Variants in MYH11 observed in about 807,000 individuals in gnomAD.
MYH11 encodes the protein myosin-11.
In MYH11, 80 loss-of-function variants were observed where a neutral mutation model predicts 246.6. That is an observed-to-expected ratio of 0.32 (90% CI 0.27 to 0.39). The LOEUF (loss-of-function observed/expected upper bound fraction) is 0.39. MYH11 is among the 10% of genes least tolerant of loss of function. MYH11 has a pLI of 1.00. For missense variants in MYH11, 2,158 were observed against 2,546.8 expected (o/e 0.85, Z 3.29); for synonymous variants, 1,071 against 1,015.5 (o/e 1.05, Z -1.04).
chr16:15,784,243 T>C (rs1465038415), intron 5 of MYH11, among the ~76,000 whole-genome samples: 1 of 151,964 alleles, frequency 6.6e-6, no homozygotes, highest in Non-Finnish European at 1.5e-5. Context: ...CACTTAGGGA[T>C]GATGGCAGGG....
rs1309442784 is a variant in MYH11 at position 15,724,707 on chromosome 16, C to A, written c.4056G>T (p.Leu1352=). ...TCTGCTTGGCCTCCATCTCCTCGTCCAGCTGGTCTTGCAGGCTGTTCCGCT... is the reference window on the plus strand; with the variant it reads ...TCTGCTTGGCCTCCATCTCCTCGTCAAGCTGGTCTTGCAGGCTGTTCCGCT... The part of the protein sequence containing the change: ...EEERNSLQDQ[L]DEEMEAKQNL... The change falls in exon 30 of 41, where the codon CTG becomes CTT. Residue 1352 remains leucine (L), a synonymous_variant. Transcript: ENST00000300036. 7.4e-6 allele frequency: 12 copies of A among 1,614,050 alleles called. No individual in the cohort carries two copies. Among genetic ancestry groups the A allele is most frequent in the Non-Finnish European group, 1.0e-5 (12 of 1,180,030 alleles).
chr16:15,799,070 G>A (rs914814724), intron 3 of MYH11, among the ~76,000 whole-genome samples: 4 of 152,238 alleles, frequency 2.6e-5, no homozygotes, highest in African/African-American at 9.6e-5. Context: ...TGTGGCCTTG[G>A]GCAAATATTC....
rs751862398 is a variant in MYH11 at position 15,704,077 on chromosome 16, G to A, written c.5833C>T (p.Arg1945Cys). ...CCATCTGCATTTTCAATAACTCTACGTCCTCCAGACCTTCTAGAAGGAACG... is the reference window on the plus strand; with the variant it reads ...CCATCTGCATTTTCAATAACTCTACATCCTCCAGACCTTCTAGAAGGAACG... ...SFVPSRRSGG[R>C]RVIENADGSE... The change falls in exon 41 of 41, where the codon CGT becomes TGT. Residue 1945 changes from arginine (R) to cysteine (C), a missense_variant. Arg to Cys is a radical substitution (Grantham distance 180). Coordinates refer to ENST00000300036, the MANE Select transcript of MYH11 (RefSeq NM_002474.3). 6.2e-6 allele frequency: 10 copies of A among 1,613,868 alleles called. No homozygotes were observed. The highest frequency in any genetic ancestry group is 2.7e-5 in the African/African-American group (2 of 74,858).
intron 12 of MYH11, among the ~76,000 whole-genome samples, chr16:15,758,827 A>T (rs530867076): frequency 6.6e-6 from 1 of 151,706 alleles, no homozygotes; most frequent in African/African-American, 2.4e-5. Flanking sequence ...AGCTGGGCAC[A>T]GTGGTACACT....
rs555301560 is a variant in MYH11, at chr16:15,753,895, A to G, written c.1750-387T>C. ...AAACTCCCCCCTCATCATCTTCCCA[A>G]TCATCCTGGTTTAGAAATTAAGCAT... On this transcript the variant is annotated intron_variant, in intron 14 of 40. Transcript: ENST00000300036. Among the ~76,000 whole-genome samples the G allele has an allele frequency of 3.3e-5, 5 of 152,054 alleles. 1 individual carries two copies. The highest frequency in any genetic ancestry group is 3.3e-4 in the Admixed American group (5 of 15,270).
intron 28 of MYH11, 52 bp from the exon 29 acceptor site, chr16:15,725,044 T>G: frequency 6.7e-7 from 1 of 1,502,492 alleles, no homozygotes; most frequent in African/African-American, 1.4e-5. Flanking sequence ...GGGATCCTCG[T>G]TGAAAGGAGC....
chr16:15,788,648 T>C (rs1253796107), intron 4 of MYH11, among the ~76,000 whole-genome samples: 6 of 152,178 alleles, frequency 3.9e-5, no homozygotes, highest in Non-Finnish European at 8.8e-5. Context: ...TGAAACATCT[T>C]GCGGTGACTT....
chr16:15,780,608 G>A (rs1293912840), intron 6 of MYH11, among the ~76,000 whole-genome samples: 1 of 143,908 alleles, frequency 6.9e-6, no homozygotes, highest in African/African-American at 2.6e-5. Flanking sequence ...TCAGCCTCCC[G>A]AGTAGCTGGG....
At chr16:15,775,438 CTGGTTTATGTGT>C in intron 8 of MYH11, among the ~76,000 whole-genome samples, 1 of 582 alleles carries the variant, frequency 1.7e-3, no homozygotes, top group South Asian at 0.1. Context: ...CCTGAGCTCA[CTGGTTTATGTGT>C]TGCCTGAGCT....
At chr16:15,733,232 G>A (rs1004394346) in intron 26 of MYH11, among the ~76,000 whole-genome samples, 2 of 152,024 alleles carry the variant, frequency 1.3e-5, no homozygotes, top group Non-Finnish European at 2.9e-5. Context: ...TGAGTCCATG[G>A]TTTTGTTTGT....
intron 2 of MYH11, among the ~76,000 whole-genome samples, chr16:15,824,340 T>C (rs779077472): frequency 2.6e-5 from 4 of 151,320 alleles, no homozygotes; most frequent in Non-Finnish European, 5.9e-5. Context: ...TGTAGTGGGG[T>C]GATCTTGGCT....
At chr16:15,830,708 T>A (rs550959168) in intron 2 of MYH11, among the ~76,000 whole-genome samples, 7 of 151,832 alleles carry the variant, frequency 4.6e-5, no homozygotes, top group Non-Finnish European at 8.8e-5. Flanking sequence ...CAAAAACCCA[T>A]CTTTACAAAA....
At chr16:15,790,687 G>C (rs1357193981) in intron 4 of MYH11, among the ~76,000 whole-genome samples, 1 of 152,130 alleles carries the variant, frequency 6.6e-6, no homozygotes, top group Non-Finnish European at 1.5e-5. Context: ...ATTTGGTACT[G>C]AGCTCCCTCT....
At chr16:15,713,708 T>A (rs916624410) in intron 40 of MYH11, 2 of 152,220 alleles carry the variant, frequency 1.3e-5, no homozygotes, top group Non-Finnish European at 2.9e-5. Context: ...GCTCTTGAAC[T>A]CCTGAGCTCA....
chr16:15,821,341 T>A (rs2043405066), intron 3 of MYH11, among the ~76,000 whole-genome samples: 1 of 152,338 alleles, frequency 6.6e-6, no homozygotes, highest in African/African-American at 2.4e-5. Context: ...TTTAGTTCAG[T>A]TAGTGTAATG....
intron 2 of MYH11, among the ~76,000 whole-genome samples, chr16:15,823,927 A>G (rs1045530269): frequency 1.3e-4 from 20 of 152,098 alleles, no homozygotes; most frequent in African/African-American, 4.8e-4. Context: ...GCACCTGGCC[A>G]AACTGTGGAG....
rs148682361 is a variant in MYH11, at chr16:15,745,246, G to A, written c.2412-9C>T. On this transcript the variant is annotated splice_polypyrimidine_tract_variant and intron_variant, in intron 19 of 40. Transcript: ENST00000300036. ...GCCTCTTGGCAAAAGCCCTAGGGAGGGGGGAAGAGAAGGTGCGGGGGTCAT... is the reference window on the plus strand; with the variant it reads ...GCCTCTTGGCAAAAGCCCTAGGGAGAGGGGAAGAGAAGGTGCGGGGGTCAT... 5 of 1,610,530 alleles carry A rather than the reference G, an allele frequency of 3.1e-6. No homozygotes were observed. The highest frequency in any genetic ancestry group is 2.2e-5 in the East Asian group (1 of 44,856).
At chr16:15,759,343 T>A (rs1023016520) in intron 12 of MYH11, among the ~76,000 whole-genome samples, 38 of 151,884 alleles carry the variant, frequency 2.5e-4, no homozygotes, top group African/African-American at 9.0e-4. Flanking sequence ...TGGCGGGAGA[T>A]CAGACCCTGC....
At chr16:15,728,489 C>A (rs921150546) in intron 27 of MYH11, among the ~76,000 whole-genome samples, 3 of 152,168 alleles carry the variant, frequency 2.0e-5, no homozygotes, top group African/African-American at 7.2e-5. Context: ...CACCTTTCAC[C>A]GCCCCCGTCC....
Sources: gnomAD v4.1 joint callset for allele counts (sites outside exome capture counted in the v4.1 genomes callset) on GRCh38, gnomAD v4.1.1 for gene constraint, MANE v1.5 for transcripts, NCBI Gene and HGNC (gene_info 2026-07-23, HGNC 2026-07-21) for gene names.